The following CMIP variants were observed in gnomAD, a reference collection of about 807,000 sequenced individuals.
The protein encoded by CMIP is c-Maf inducing protein.
In CMIP, 13 loss-of-function variants were observed where a neutral mutation model predicts 97.3. That is an observed-to-expected ratio of 0.13 (90% confidence interval 0.09 to 0.21). The LOEUF (loss-of-function observed/expected upper bound fraction) is 0.21. CMIP is among the 10% of genes least tolerant of loss of function. The probability of loss-of-function intolerance (pLI) is 1.00; values close to 1 mark genes in which losing one functional copy is unlikely to be tolerated. For synonymous variants in CMIP, 538 were observed against 436.3 expected, an observed-to-expected ratio of 1.23 and a Z score of -2.91; for missense variants, 847 against 1,024.9, an observed-to-expected ratio of 0.83 and a Z score of 2.37.
intron 3 of CMIP, among the ~76,000 whole-genome samples, chr16:81,629,920 T>A (rs2092131016): frequency 6.6e-6 from 1 of 152,218 alleles, no homozygotes; most frequent in Non-Finnish European, 1.5e-5. Flanking sequence ...TTATTTGAGT[T>A]ACTTGTTTAG....
At chr16:81,485,914 C>G (rs115982567) in intron 1 of CMIP, among the ~76,000 whole-genome samples, 1 of 152,180 alleles carries the variant, frequency 6.6e-6, no homozygotes, top group Non-Finnish European at 1.5e-5. Flanking sequence ...ACCCAGCTCT[C>G]CCCTGGATTC....
intron 13 of CMIP, 50 bp downstream of exon 13, chr16:81,693,537 A>G (rs761114716): frequency 6.3e-7 from 1 of 1,581,666 alleles, no homozygotes; most frequent in East Asian, 2.3e-5. Context: ...GGATGGCAGG[A>G]TGCACGAGGG....
intron 1 of CMIP, among the ~76,000 whole-genome samples, chr16:81,578,752 G>A (rs74029195): frequency 3.3e-5 from 5 of 152,190 alleles, no homozygotes; most frequent in Admixed American, 3.3e-4. Flanking sequence ...GGGGACCATG[G>A]CCTGGAAGCA....
chr16:81,611,812 G>A (rs923777563), intron 2 of CMIP, among the ~76,000 whole-genome samples: 2 of 152,130 alleles, frequency 1.3e-5, no homozygotes, highest in African/African-American at 2.4e-5. Context: ...TGCAGACCTC[G>A]GGGAGCTGAC....
At chr16:81,575,283 C>T (rs916544110) in intron 1 of CMIP, among the ~76,000 whole-genome samples, 1 of 152,144 alleles carries the variant, frequency 6.6e-6, no homozygotes, top group African/African-American at 2.4e-5. Context: ...TGCGTCGGGC[C>T]TCCTCTGGGC....
Position 81,678,483 on chromosome 16 carries a change from G to T in CMIP, c.1243G>T (p.Ala415Ser). Residue 415 changes from alanine to serine, a missense_variant, in exon 10 of 21, where the codon GCG (alanine) becomes TCG (serine). By Grantham distance (99) the Ala-to-Ser change is moderately conservative. Coordinates refer to ENST00000537098, the MANE Select transcript of CMIP (RefSeq NM_198390.3). ...EVERTSTAKP[A>S]LTASAGNDSE... ...GGAACGCACCAGCACTGCCAAGCCGGCGCTGACGGCCAGCGCAGGCAACGA... is the reference window on the plus strand; with the variant it reads ...GGAACGCACCAGCACTGCCAAGCCGTCGCTGACGGCCAGCGCAGGCAACGA... 6.3e-7 allele frequency: 1 copy of T among 1,596,078 alleles called. No individual in the cohort carries two copies. The highest frequency in any genetic ancestry group is 8.5e-7 in the Non-Finnish European group (1 of 1,172,254).
At chr16:81,672,539 G>C (rs556279469) in intron 9 of CMIP, among the ~76,000 whole-genome samples, 1 of 152,312 alleles carries the variant, frequency 6.6e-6, no homozygotes, top group African/African-American at 2.4e-5. Context: ...TCTTGGCTTT[G>C]AGAACACAGG....
At chr16:81,534,140 C>T (rs945051441) in intron 1 of CMIP, among the ~76,000 whole-genome samples, 4 of 152,170 alleles carry the variant, frequency 2.6e-5, no homozygotes, top group Non-Finnish European at 5.9e-5. Flanking sequence ...GGCCAGGCTG[C>T]GTTTCAAAGC....
At chr16:81,694,066 G>A (rs1459190976) in intron 13 of CMIP, among the ~76,000 whole-genome samples, 1 of 152,218 alleles carries the variant, frequency 6.6e-6, no homozygotes, top group Non-Finnish European at 1.5e-5. Flanking sequence ...ACCAGCAGCT[G>A]TCTTTTAGGA....
intron 1 of CMIP, among the ~76,000 whole-genome samples, chr16:81,504,000 G>C (rs1280615969): frequency 6.6e-6 from 1 of 152,218 alleles, no homozygotes. Flanking sequence ...GGTGAGGCTT[G>C]GGAAGGTTCA....
intron 1 of CMIP, among the ~76,000 whole-genome samples, chr16:81,507,533 G>A (rs1402094728): frequency 2.0e-5 from 3 of 152,310 alleles, no homozygotes; most frequent in Admixed American, 6.5e-5. Flanking sequence ...TTTTCCTTGA[G>A]GGGTGGAAAG....
rs1461349252 is a variant in CMIP at position 81,710,250 on chromosome 16, A to G, written c.*451A>G. On this transcript the variant is annotated 3_prime_UTR_variant, in exon 21 of 21. Coordinates refer to ENST00000537098, the MANE Select transcript of CMIP (RefSeq NM_198390.3). The stretch of plus-strand genomic sequence containing the variant: ...GAACTCGCCCCCCGCCCTTGGGACA[A>G]GAAGACCCAGTCACATCACTGCACC... 9.7e-6 allele frequency: 2 copies of G among 207,078 alleles called. No individual in the cohort carries two copies. Among genetic ancestry groups the G allele is most frequent in the Admixed American group, 5.3e-5 (1 of 18,930 alleles). 12.8% of individuals were successfully genotyped at this position (207,078 alleles called of 1,614,324 possible). A position where few individuals can be genotyped will look rare whatever the true frequency, so the allele number is the denominator to read the frequency against.
intron 14 of CMIP, 55 bp from the exon 15 acceptor site, chr16:81,699,630 T>A (rs1050629425): frequency 2.8e-5 from 33 of 1,175,646 alleles, no homozygotes; most frequent in Non-Finnish European, 4.2e-5. Context: ...GCCAGCACGC[T>A]GGAGGCTGGC....
intron 1 of CMIP, among the ~76,000 whole-genome samples, chr16:81,499,284 C>G (rs879611793): frequency 2.6e-5 from 4 of 152,182 alleles, no homozygotes; most frequent in Admixed American, 2.6e-4. Context: ...ATGCACATGC[C>G]TCACACCTAT....
chr16:81,633,668 AC>A (rs945882995), intron 3 of CMIP, among the ~76,000 whole-genome samples: 1 of 151,916 alleles, frequency 6.6e-6, no homozygotes, highest in East Asian at 1.9e-4. Context: ...AGGGACAGAG[AC>A]CCCCTTTCAG....
intron 1 of CMIP, among the ~76,000 whole-genome samples, chr16:81,555,744 C>T (rs928496550): frequency 2.0e-5 from 3 of 152,180 alleles, no homozygotes; most frequent in South Asian, 2.1e-4. Flanking sequence ...CCACCTAAGC[C>T]TGGGGAGATC....
intron 1 of CMIP, among the ~76,000 whole-genome samples, chr16:81,537,876 C>T (rs1218264140): frequency 6.6e-6 from 1 of 151,972 alleles, no homozygotes; most frequent in Non-Finnish European, 1.5e-5. Flanking sequence ...GGGTGCAGGG[C>T]AAGGGTCAGC....
chr16:81,709,738 A>AT lies in CMIP; in HGVS notation c.2269-8_2269-7insT. The AT allele has an allele frequency of 6.2e-7, 1 of 1,613,758 alleles. No homozygotes were observed. Among genetic ancestry groups the AT allele is most frequent in the Non-Finnish European group, 8.5e-7 (1 of 1,179,796 alleles). On this transcript the variant is annotated splice_region_variant and splice_polypyrimidine_tract_variant and intron_variant, in intron 20 of 20. Coordinates refer to ENST00000537098, the MANE Select transcript of CMIP (RefSeq NM_198390.3). Reference sequence around the variant, plus strand: ...ACACGTGACAAGGACTCTTATTGCCACCCCCAGGCCAAGCTTCCCAATTTG... The same window carrying AT: ...ACACGTGACAAGGACTCTTATTGCCATCCCCCAGGCCAAGCTTCCCAATTTG...
intron 1 of CMIP, among the ~76,000 whole-genome samples, chr16:81,471,932 C>T (rs1291517655): frequency 6.6e-6 from 1 of 152,162 alleles, no homozygotes; most frequent in African/African-American, 2.4e-5. Flanking sequence ...TGGAATTTTC[C>T]ACCTAATCTT....
Sources: gnomAD v4.1 joint callset for allele counts (sites outside exome capture counted in the v4.1 genomes callset) on GRCh38, gnomAD v4.1.1 for gene constraint, MANE v1.5 for transcripts, NCBI Gene and HGNC (gene_info 2026-07-23, HGNC 2026-07-21) for gene names.